The following FUT8 variants were observed in gnomAD, a reference collection of about 807,000 sequenced individuals.
The protein encoded by FUT8 is fucosyltransferase 8, also known as alpha-(1,6)-fucosyltransferase.
In FUT8, 29 loss-of-function variants were observed where a neutral mutation model predicts 71.3. The ratio of observed to expected loss-of-function variants is 0.41; its 90% CI spans 0.30 to 0.55. The LOEUF is 0.55. FUT8 is among the 20% of genes least tolerant of loss of function. The probability of loss-of-function intolerance (pLI) is 0.34; values close to 1 mark genes in which losing one functional copy is unlikely to be tolerated. For synonymous variants in FUT8, 254 were observed against 239.3 expected (o/e 1.06, Z -0.57); for missense variants, 544 against 702.1 (o/e 0.77, Z 2.55).
chr14:65,691,879 G>A (rs1413073038), intron 7 of FUT8, among the ~76,000 whole-genome samples: 2 of 152,214 alleles, frequency 1.3e-5, no homozygotes, highest in African/African-American at 4.8e-5. Flanking sequence ...TTAACCCTGA[G>A]TAGACACAGC....
At chr14:65,447,860 A>G (rs1052257629) in intron 1 of FUT8, among the ~76,000 whole-genome samples, 1 of 152,132 alleles carries the variant, frequency 6.6e-6, no homozygotes, top group Admixed American at 6.5e-5. Flanking sequence ...TAGAGCTGGG[A>G]CTAGTACTAA....
chr14:65,591,096 G>A (rs1887661890), intron 3 of FUT8, among the ~76,000 whole-genome samples: 1 of 152,128 alleles, frequency 6.6e-6, no homozygotes, highest in African/African-American at 2.4e-5. Flanking sequence ...TGGAAACAAA[G>A]CCTAGAAGTA....
At chr14:65,596,902 A>G (rs1014539901) in intron 3 of FUT8, among the ~76,000 whole-genome samples, 1 of 152,236 alleles carries the variant, frequency 6.6e-6, no homozygotes, top group African/African-American at 2.4e-5. Context: ...CAGCAGCATA[A>G]TTCGTAAGAG....
At chr14:65,676,919 A>T (rs1892741997) in intron 7 of FUT8, among the ~76,000 whole-genome samples, 1 of 152,140 alleles carries the variant, frequency 6.6e-6, no homozygotes, top group African/African-American at 2.4e-5. Context: ...TCTGAGTATG[A>T]TGTGAATCTG....
At chr14:65,610,929 A>C (rs968255301) in intron 3 of FUT8, among the ~76,000 whole-genome samples, 10 of 151,564 alleles carry the variant, frequency 6.6e-5, no homozygotes, top group Admixed American at 6.6e-5. Flanking sequence ...TTTTTTTATA[A>C]TTTTTATATT....
intron 7 of FUT8, among the ~76,000 whole-genome samples, chr14:65,670,281 G>T (rs1230336984): frequency 6.6e-6 from 1 of 152,020 alleles, no homozygotes; most frequent in East Asian, 1.9e-4. Flanking sequence ...TGGCTTTATT[G>T]TTTTGTAATC....
chr14:65,589,981 C>T (rs1210606323), intron 3 of FUT8, among the ~76,000 whole-genome samples: 1 of 152,186 alleles, frequency 6.6e-6, no homozygotes, highest in African/African-American at 2.4e-5. Context: ...GTTTCTCTTT[C>T]TAGAGGTAAC....
At chr14:65,692,357 G>A (rs1245368745) in intron 7 of FUT8, among the ~76,000 whole-genome samples, 1 of 149,934 alleles carries the variant, frequency 6.7e-6, no homozygotes, top group African/African-American at 2.4e-5. Context: ...CGGGCGGGGG[G>A]CTGACCCCCC....
In FUT8 at chr14:65,594,532, C is replaced by T. The variant is rs554911330; in HGVS notation, c.204-21446C>T. ...ATTGCATTGGGTGGCTGCCCTCTGC[C>T]AGTGAGGGCAGAGGGCCAGTATGAC... On this transcript the variant is annotated intron_variant, in intron 3 of 10. Transcript: ENST00000673929. Among the ~76,000 whole-genome samples the T allele has an allele frequency of 9.9e-5, 15 of 152,260 alleles. No homozygotes were observed. In the South Asian group the frequency reaches 3.1e-3, roughly 32 times the overall value.
At chr14:65,687,741 C>T (rs1893366773) in intron 7 of FUT8, among the ~76,000 whole-genome samples, 1 of 151,380 alleles carries the variant, frequency 6.6e-6, no homozygotes, top group Non-Finnish European at 1.5e-5. Flanking sequence ...GACTTATTCT[C>T]CCCAACCTTT....
intron 7 of FUT8, among the ~76,000 whole-genome samples, chr14:65,695,874 C>T (rs1381827676): frequency 6.6e-6 from 1 of 151,916 alleles, no homozygotes; most frequent in Non-Finnish European, 1.5e-5. Context: ...ATAATGATTC[C>T]ATTTTTTATT....
chr14:65,662,179 T>G (rs1406994761), intron 6 of FUT8, among the ~76,000 whole-genome samples: 1 of 152,054 alleles, frequency 6.6e-6, no homozygotes, highest in Non-Finnish European at 1.5e-5. Flanking sequence ...TTTGGGAGCC[T>G]GACGTGGGAG....
chr14:65,532,814 T>C (rs1884046786), intron 2 of FUT8, among the ~76,000 whole-genome samples: 2 of 152,160 alleles, frequency 1.3e-5, no homozygotes, highest in African/African-American at 4.8e-5. Flanking sequence ...TTTTTGTATG[T>C]AGTCTAAGAA....
chr14:65,696,303 G>A (rs944643296), intron 7 of FUT8, among the ~76,000 whole-genome samples: 23 of 152,110 alleles, frequency 1.5e-4, no homozygotes, highest in African/African-American at 4.6e-4. Context: ...CAAAAGTGAA[G>A]GAGAAATACT....
intron 7 of FUT8, among the ~76,000 whole-genome samples, chr14:65,687,387 A>G (rs1893346334): frequency 6.6e-6 from 1 of 152,158 alleles, no homozygotes. Flanking sequence ...AGGGATCAGA[A>G]TTTTCTGGAT....
At chr14:65,630,945 A>G (rs1430157322) in intron 6 of FUT8, among the ~76,000 whole-genome samples, 1 of 152,224 alleles carries the variant, frequency 6.6e-6, no homozygotes, top group Non-Finnish European at 1.5e-5. Flanking sequence ...AAGCAAAATG[A>G]CAGCCAGTGA....
At chr14:65,692,825 G>A (rs1893747812) in intron 7 of FUT8, among the ~76,000 whole-genome samples, 1 of 151,722 alleles carries the variant, frequency 6.6e-6, no homozygotes, top group African/African-American at 2.4e-5. Flanking sequence ...TCACCTCCCA[G>A]ACGGGGTCAC....
chr14:65,376,544 G>A, the FUT8 span, among the ~76,000 whole-genome samples: 1 of 135,348 alleles, frequency 7.4e-6, no homozygotes. Context: ...CCAAGTAGCT[G>A]GGATTATAGG....
chr14:65,385,605 T>C, the FUT8 span, among the ~76,000 whole-genome samples: 1 of 152,156 alleles, frequency 6.6e-6, no homozygotes, highest in African/African-American at 2.4e-5. Flanking sequence ...TCAGGCCCAA[T>C]GAAAATATTA....
Sources: allele counts gnomAD v4.1 joint callset (sites outside exome capture counted in the v4.1 genomes callset), GRCh38; gene constraint gnomAD v4.1.1; transcripts MANE v1.5; gene names NCBI Gene and HGNC (gene_info 2026-07-23, HGNC 2026-07-21).